Variants in NHERF1 observed in about 807,000 individuals in gnomAD.
The protein encoded by NHERF1 is Na(+)/H(+) exchange regulatory cofactor NHE-RF1.
the NHERF1 span, chr17:74,766,967 G>A: frequency 6.2e-7 from 1 of 1,614,024 alleles, no homozygotes; most frequent in South Asian, 1.1e-5. Flanking sequence ...CCAATGGGGA[G>A]ATACAGAAGG....
At chr17:74,754,396 TTTC>T in the NHERF1 span, among the ~76,000 whole-genome samples, 4,975 of 137,766 alleles carry the variant, frequency 0.036, 154 homozygotes, top group African/African-American at 0.069. Context: ...TCTTTCTTTC[TTTC>T]TTTTTTTTTT....
the NHERF1 span, among the ~76,000 whole-genome samples, chr17:74,755,624 C>T: frequency 6.6e-6 from 1 of 152,294 alleles, no homozygotes; most frequent in Admixed American, 6.5e-5. Flanking sequence ...TCTGAATTCT[C>T]CGAGACAGGC....
the NHERF1 span, chr17:74,768,689 C>A: frequency 1.3e-6 from 2 of 1,559,640 alleles, no homozygotes; most frequent in Non-Finnish European, 1.7e-6. Flanking sequence ...CTGGCAGGGC[C>A]GAGCCAGCAT....
chr17:74,753,380 G>C, the NHERF1 span, among the ~76,000 whole-genome samples: 1 of 152,174 alleles, frequency 6.6e-6, no homozygotes, highest in Non-Finnish European at 1.5e-5. Flanking sequence ...CTCTTTCCCA[G>C]GGCGGGCGGG....
At chr17:74,766,725 G>C in the NHERF1 span, among the ~76,000 whole-genome samples, 1 of 151,982 alleles carries the variant, frequency 6.6e-6, no homozygotes, top group Non-Finnish European at 1.5e-5. Flanking sequence ...AGACCATCCT[G>C]CATGACATGG....
At chr17:74,759,600 C>T in the NHERF1 span, among the ~76,000 whole-genome samples, 2 of 152,228 alleles carry the variant, frequency 1.3e-5, no homozygotes, top group Admixed American at 6.5e-5. Flanking sequence ...GCTCCAGCTG[C>T]GAGAGGCCCT....
chr17:74,748,654 C>G, the NHERF1 span: 2 of 570,714 alleles, frequency 3.5e-6, no homozygotes, highest in South Asian at 4.5e-5. This position sits in a 1 kb window ranked among gnomAD's most constrained non-coding sequence, Gnocchi z 4.3. Flanking sequence ...GGGGATTGGT[C>G]TGTGGTCCTC....
At chr17:74,764,171 T>C in the NHERF1 span, among the ~76,000 whole-genome samples, 1 of 152,212 alleles carries the variant, frequency 6.6e-6, no homozygotes, top group Non-Finnish European at 1.5e-5. This position sits in a 1 kb window ranked among gnomAD's most constrained non-coding sequence, Gnocchi z 4.9. Context: ...ACTTTCTCCC[T>C]GGGAAGATGG....
the NHERF1 span, among the ~76,000 whole-genome samples, chr17:74,755,626 G>A: frequency 2.6e-5 from 4 of 152,174 alleles, no homozygotes; most frequent in Admixed American, 1.3e-4. Flanking sequence ...TGAATTCTCC[G>A]AGACAGGCTG....
chr17:74,768,229 G>A, the NHERF1 span: 4 of 1,612,602 alleles, frequency 2.5e-6, no homozygotes, highest in Non-Finnish European at 3.4e-6. Flanking sequence ...AGTGACACCA[G>A]CGAGGAGGTA....
the NHERF1 span, among the ~76,000 whole-genome samples, chr17:74,764,611 A>T: frequency 6.6e-6 from 1 of 152,148 alleles, no homozygotes; most frequent in South Asian, 2.1e-4. The surrounding 1 kb of genome is among the most constrained non-coding windows in gnomAD (Gnocchi z 4.9). Context: ...CTCCTGGGAT[A>T]CTGTCCCCTG....
the NHERF1 span, among the ~76,000 whole-genome samples, chr17:74,754,509 T>C: frequency 4.6e-5 from 7 of 151,382 alleles, no homozygotes; most frequent in Admixed American, 4.6e-4. Flanking sequence ...TTCAAGCAAT[T>C]GTCCTGCCTC....
chr17:74,768,311 C>A, the NHERF1 span: 1 of 1,392,716 alleles, frequency 7.2e-7, no homozygotes, highest in Non-Finnish European at 1.0e-6. Flanking sequence ...TCCTGGCACA[C>A]CAGCCTGCCT....
chr17:74,750,621 A>C, the NHERF1 span, among the ~76,000 whole-genome samples: 1 of 151,938 alleles, frequency 6.6e-6, no homozygotes, highest in Non-Finnish European at 1.5e-5. Context: ...GAGCACCCGG[A>C]GCAAGGAGGT....
the NHERF1 span, chr17:74,748,946 A>G: frequency 3.1e-6 from 5 of 1,605,164 alleles, no homozygotes; most frequent in Non-Finnish European, 4.2e-6. The surrounding 1 kb of genome is among the most constrained non-coding windows in gnomAD (Gnocchi z 4.3). Context: ...GGAGAAGGGC[A>G]AGTTGGGCCA....
the NHERF1 span, among the ~76,000 whole-genome samples, chr17:74,753,758 C>T: frequency 6.6e-6 from 1 of 151,490 alleles, no homozygotes; most frequent in African/African-American, 2.4e-5. Context: ...TGAATGGGGG[C>T]TTCCTTCTCA....
chr17:74,761,199 C>G, the NHERF1 span, among the ~76,000 whole-genome samples: 1 of 152,224 alleles, frequency 6.6e-6, no homozygotes, highest in African/African-American at 2.4e-5. This position sits in a 1 kb window ranked among gnomAD's most constrained non-coding sequence, Gnocchi z 4.3. Context: ...CTCCAGGCCA[C>G]AGCCACACTG....
chr17:74,762,276 G>T, the NHERF1 span: 33 of 907,556 alleles, frequency 3.6e-5, no homozygotes, highest in African/African-American at 5.3e-4. This position sits in a 1 kb window ranked among gnomAD's most constrained non-coding sequence, Gnocchi z 4.2. Flanking sequence ...TAGCCCACGG[G>T]CATAGCCAAC....
chr17:74,758,096 C>T, the NHERF1 span, among the ~76,000 whole-genome samples: 1 of 152,240 alleles, frequency 6.6e-6, no homozygotes, highest in African/African-American at 2.4e-5. This position sits in a 1 kb window ranked among gnomAD's most constrained non-coding sequence, Gnocchi z 4.3. Context: ...CCACAGCCTT[C>T]CCTGAAGGGA....
Sources: allele counts gnomAD v4.1 joint callset (sites outside exome capture counted in the v4.1 genomes callset), GRCh38; gene constraint gnomAD v4.1.1; non-coding constraint Gnocchi (gnomAD v3.1); transcripts MANE v1.5; gene names NCBI Gene and HGNC (gene_info 2026-07-23, HGNC 2026-07-21).